PTPRT: variants seen among roughly 807,000 people sequenced by gnomAD.
The protein encoded by PTPRT is receptor-type tyrosine-protein phosphatase T.
PTPRT carries 56 observed loss-of-function variants against 176.8 expected under a neutral mutation model. That is an observed-to-expected ratio of 0.32 (90% CI 0.26 to 0.40). The LOEUF (loss-of-function observed/expected upper bound fraction) is 0.40, where lower values mean the gene tolerates loss of function less well. Ranked by LOEUF, PTPRT falls within the 10% of genes least tolerant of loss-of-function variation. PTPRT has a pLI of 1.00. For missense variants in PTPRT, 1,540 were observed against 1,908.2 expected (o/e 0.81, Z 3.60); for synonymous variants, 783 against 739.0 (o/e 1.06, Z -0.96).
chr20:42,914,091 C>T (rs542356309), intron 1 of PTPRT, among the ~76,000 whole-genome samples: 2 of 152,266 alleles, frequency 1.3e-5, no homozygotes, highest in East Asian at 3.9e-4. Flanking sequence ...CAGCTACATC[C>T]ATCTTCACTT....
In PTPRT at chr20:42,900,855, G is replaced by A. The variant is rs575238430; in HGVS notation, c.89-14923C>T. On this transcript the variant is annotated intron_variant, in intron 1 of 30. Coordinates refer to ENST00000373187, the MANE Select transcript of PTPRT (RefSeq NM_007050.6). ...CTGAAGCACCATAACCTAAGCCCAG[G>A]GCATAAAACCCCTCGTGGCTTGGAA... Among the ~76,000 whole-genome samples the A allele has an allele frequency of 5.3e-5, 8 of 151,978 alleles. No homozygotes were observed. In the East Asian group the frequency reaches 1.6e-3, roughly 29 times the overall value.
At position 42,791,423 on chromosome 20, in the gene PTPRT, C is replaced by T. The variant is rs754128523; in HGVS notation, c.258G>A (p.Gln86=). 3 of 1,613,562 alleles carry T rather than the reference C, an allele frequency of 1.9e-6. No homozygotes were observed. The highest frequency in any genetic ancestry group is 2.5e-6 in the Non-Finnish European group (3 of 1,179,772). ...MVNSSGRASG[Q]KAHLLLPTLK... is the part of the protein sequence containing the mutation. ...GGGTTGGCAGGAGAAGGTGGGCCTTCTGGCCAGAGGCTCTCCCAGAGCTGT... is the reference window on the plus strand; with the variant it reads ...GGGTTGGCAGGAGAAGGTGGGCCTTTTGGCCAGAGGCTCTCCCAGAGCTGT... Residue 86 remains glutamine (Q), a synonymous_variant, in exon 3 of 31, where the codon CAG becomes CAA. Transcript: ENST00000373187.
intron 9 of PTPRT, among the ~76,000 whole-genome samples, chr20:42,410,888 T>C (rs2059008664): frequency 6.6e-6 from 1 of 152,146 alleles, no homozygotes; most frequent in African/African-American, 2.4e-5. Flanking sequence ...CTAAAACGCA[T>C]CATGTCAAAC....
chr20:42,442,795 T>C (rs1484255124), intron 9 of PTPRT, among the ~76,000 whole-genome samples: 1 of 152,238 alleles, frequency 6.6e-6, no homozygotes, highest in Non-Finnish European at 1.5e-5. Flanking sequence ...TCTGAACAGC[T>C]TGTCTCTGAA....
At chr20:42,641,895 C>T (rs1409992105) in intron 7 of PTPRT, among the ~76,000 whole-genome samples, 1 of 152,168 alleles carries the variant, frequency 6.6e-6, no homozygotes, top group South Asian at 2.1e-4. Flanking sequence ...GACTATGCAG[C>T]CTCATACTGA....
chr20:42,336,386 A>G (rs2058039927), intron 11 of PTPRT, among the ~76,000 whole-genome samples: 1 of 152,148 alleles, frequency 6.6e-6, no homozygotes, highest in Non-Finnish European at 1.5e-5. Context: ...CAGAAGAAAG[A>G]GCAAAGAATT....
intron 7 of PTPRT, among the ~76,000 whole-genome samples, chr20:42,604,832 G>T (rs943710155): frequency 1.3e-5 from 2 of 152,186 alleles, no homozygotes; most frequent in Non-Finnish European, 2.9e-5. Flanking sequence ...CACTGGCATG[G>T]CTCATGAAAC....
At chr20:42,305,174 G>A (rs1245371200) in intron 12 of PTPRT, among the ~76,000 whole-genome samples, 4 of 151,938 alleles carry the variant, frequency 2.6e-5, no homozygotes, top group Non-Finnish European at 5.9e-5. Context: ...TCAACATGGT[G>A]AAAACCCATC....
intron 7 of PTPRT, among the ~76,000 whole-genome samples, chr20:42,597,668 C>T (rs2073696090): frequency 6.6e-6 from 1 of 152,186 alleles, no homozygotes; most frequent in Non-Finnish European, 1.5e-5. Context: ...TTCCTGAGAT[C>T]TCCTCAGAAG....
At chr20:42,292,298 C>G (rs1416471308) in intron 12 of PTPRT, among the ~76,000 whole-genome samples, 13 of 151,154 alleles carry the variant, frequency 8.6e-5, no homozygotes, top group Non-Finnish European at 4.4e-5. Flanking sequence ...GAAAGAAGCA[C>G]TAAGAATTTT....
At chr20:42,235,346 T>C (rs1026134934) in intron 15 of PTPRT, among the ~76,000 whole-genome samples, 2 of 152,042 alleles carry the variant, frequency 1.3e-5, no homozygotes, top group African/African-American at 4.8e-5. Context: ...CACTACAACC[T>C]CCGCCCTGGG....
chr20:42,497,304 T>C (rs968926234), intron 7 of PTPRT, among the ~76,000 whole-genome samples: 2 of 152,150 alleles, frequency 1.3e-5, no homozygotes, highest in South Asian at 2.1e-4. Flanking sequence ...TATGGCATTT[T>C]TCCCCCCCAG....
intron 1 of PTPRT, among the ~76,000 whole-genome samples, chr20:43,122,039 T>C (rs1003865472): frequency 1.3e-5 from 2 of 152,162 alleles, no homozygotes; most frequent in African/African-American, 4.8e-5. Context: ...CTCAGCATTA[T>C]AGGATTCTAG....
chr20:42,905,251 C>G (rs550343838), intron 1 of PTPRT, among the ~76,000 whole-genome samples: 5 of 152,228 alleles, frequency 3.3e-5, no homozygotes, highest in Admixed American at 3.3e-4. Context: ...CAAAAAGTGG[C>G]CAAAGGATAT....
intron 11 of PTPRT, among the ~76,000 whole-genome samples, chr20:42,331,865 C>T (rs2057969429): frequency 6.6e-6 from 1 of 152,178 alleles, no homozygotes; most frequent in African/African-American, 2.4e-5. Flanking sequence ...TTCTGTAACA[C>T]TGACATAATT....
intron 15 of PTPRT, among the ~76,000 whole-genome samples, chr20:42,206,204 T>A (rs1600674863): frequency 6.6e-6 from 1 of 152,330 alleles, no homozygotes; most frequent in Admixed American, 6.5e-5. Context: ...ATGCCCCCAC[T>A]GACTCAGAAT....
chr20:42,555,407 T>C (rs1413702026), intron 7 of PTPRT, among the ~76,000 whole-genome samples: 1 of 152,022 alleles, frequency 6.6e-6, no homozygotes. Flanking sequence ...ACTAAATAAG[T>C]AAACCATACA....
At chr20:42,059,128 G>T in the PTPRT span, among the ~76,000 whole-genome samples, 3 of 152,184 alleles carry the variant, frequency 2.0e-5, no homozygotes, top group South Asian at 6.2e-4. Flanking sequence ...ATTTCTGGGC[G>T]AGGACTCTGA....
At chr20:42,807,545 G>T (rs2077629203) in intron 2 of PTPRT, among the ~76,000 whole-genome samples, 1 of 152,026 alleles carries the variant, frequency 6.6e-6, no homozygotes, top group Admixed American at 6.6e-5. Context: ...TCTACTTCTT[G>T]GGATTTTCTG....
Sources: gnomAD v4.1 joint callset for allele counts (sites outside exome capture counted in the v4.1 genomes callset) on GRCh38, gnomAD v4.1.1 for gene constraint, MANE v1.5 for transcripts, NCBI Gene and HGNC (gene_info 2026-07-23, HGNC 2026-07-21) for gene names.